Variants in ST7 observed in about 807,000 individuals in gnomAD.
The protein encoded by ST7 is suppression of tumorigenicity 7, also known as suppressor of tumorigenicity 7 protein.
Under a neutral mutation model 78.7 loss-of-function variants are expected in ST7, and 28 were observed. The ratio of observed to expected loss-of-function variants is 0.36; its 90% CI spans 0.26 to 0.49. ST7 has a LOEUF of 0.49. Among genes scored for constraint, ST7 ranks in the 20% least tolerant of loss-of-function variants. The pLI, the probability that ST7 is intolerant of heterozygous loss-of-function variation, is 0.99. For synonymous variants in ST7, 247 were observed against 249.6 expected, an observed-to-expected ratio of 0.99 and a Z score of 0.10; for missense variants, 418 against 696.0, an observed-to-expected ratio of 0.60 and a Z score of 4.49.
intron 10 of ST7, among the ~76,000 whole-genome samples, chr7:117,185,708 G>A (rs986599184): frequency 6.6e-6 from 1 of 152,208 alleles, no homozygotes; most frequent in East Asian, 1.9e-4. Flanking sequence ...GGTGGATCAC[G>A]AGGTTGGAGT....
intron 2 of ST7, among the ~76,000 whole-genome samples, chr7:117,115,135 A>C (rs1228650235): frequency 1.3e-5 from 2 of 151,964 alleles, no homozygotes; most frequent in Non-Finnish European, 2.9e-5. Context: ...CAGCCCTCTC[A>C]TTCCCAATTC....
chr7:116,961,552 C>G (rs961974255), intron 1 of ST7, among the ~76,000 whole-genome samples: 1 of 113,094 alleles, frequency 8.8e-6, no homozygotes, highest in Admixed American at 9.7e-5. Context: ...AGCTGTATTC[C>G]TACGTGTGTG....
intron 1 of ST7, among the ~76,000 whole-genome samples, chr7:116,996,285 G>A (rs1794648927): frequency 6.6e-6 from 1 of 152,094 alleles, no homozygotes; most frequent in African/African-American, 2.4e-5. Context: ...GTTTCACTGT[G>A]TTAGGATGGT....
At chr7:116,988,829 T>C (rs1794297847) in intron 1 of ST7, among the ~76,000 whole-genome samples, 1 of 152,208 alleles carries the variant, frequency 6.6e-6, no homozygotes, top group African/African-American at 2.4e-5. Context: ...AATGCACACT[T>C]TTAACATGAC....
chr7:117,221,704 A>G (rs1453324338), intron 14 of ST7, among the ~76,000 whole-genome samples: 2 of 152,080 alleles, frequency 1.3e-5, no homozygotes, highest in Admixed American at 1.3e-4. Flanking sequence ...TCCTGCCTCA[A>G]TTTAGAGTGC....
chr7:117,004,521 T>A (rs1795078124), intron 1 of ST7, among the ~76,000 whole-genome samples: 1 of 151,924 alleles, frequency 6.6e-6, no homozygotes, highest in Non-Finnish European at 1.5e-5. Flanking sequence ...ATTAGTCGGG[T>A]GTGGTGGCAG....
intron 9 of ST7, among the ~76,000 whole-genome samples, chr7:117,144,577 G>A (rs1805591235): frequency 6.7e-6 from 1 of 150,156 alleles, no homozygotes; most frequent in South Asian, 2.1e-4. Context: ...AGGCTGCAGT[G>A]AGCTGTAATC....
At chr7:117,012,306 C>T (rs1467512575) in intron 1 of ST7, among the ~76,000 whole-genome samples, 4 of 147,746 alleles carry the variant, frequency 2.7e-5, no homozygotes, top group African/African-American at 9.9e-5. Flanking sequence ...TTTTGGCTTC[C>T]GTATGATCAC....
chr7:117,042,653 T>C (rs1797286753), intron 1 of ST7, among the ~76,000 whole-genome samples: 1 of 152,166 alleles, frequency 6.6e-6, no homozygotes, highest in Non-Finnish European at 1.5e-5. Context: ...TTCACTCTTG[T>C]AGACATTTTA....
At chr7:117,136,317 A>G (rs953184058) in intron 8 of ST7, 82 bp downstream of exon 8, 7 of 1,529,484 alleles carry the variant, frequency 4.6e-6, no homozygotes, top group Admixed American at 3.4e-5. Context: ...GTCCAGTTCA[A>G]AATATGATTC....
At chr7:116,956,331 C>CT in intron 1 of ST7, 1 of 373,582 alleles carries the variant, frequency 2.7e-6, no homozygotes, top group Non-Finnish European at 5.5e-6. Context: ...GCCAGCACCC[C>CT]TGAGAGGGGA....
At chr7:117,155,949 C>T (rs1806656079) in intron 9 of ST7, among the ~76,000 whole-genome samples, 1 of 152,206 alleles carries the variant, frequency 6.6e-6, no homozygotes, top group Non-Finnish European at 1.5e-5. Flanking sequence ...GCATGCTTCT[C>T]TTCCAGACAT....
chr7:117,163,961 C>G (rs1235322467), intron 9 of ST7, among the ~76,000 whole-genome samples: 1 of 152,040 alleles, frequency 6.6e-6, no homozygotes, highest in African/African-American at 2.4e-5. Context: ...TACAGTTTTG[C>G]TGCAATCTGT....
intron 11 of ST7, 55 bp downstream of exon 11, chr7:117,189,448 T>C: frequency 7.0e-7 from 1 of 1,419,660 alleles, no homozygotes. Context: ...TGAGATGTGT[T>C]GCCTCTGAGG....
At chr7:117,069,390 G>A (rs1211063067) in intron 1 of ST7, among the ~76,000 whole-genome samples, 2 of 152,138 alleles carry the variant, frequency 1.3e-5, no homozygotes, top group Non-Finnish European at 2.9e-5. Flanking sequence ...GAATTTCAAT[G>A]GGCATACAGT....
chr7:117,014,960 T>C, intron 1 of ST7: 13 of 1,353,404 alleles, frequency 9.6e-6, no homozygotes, highest in African/African-American at 3.0e-5. Flanking sequence ...GCTGATAGAG[T>C]TGTACTTGGA....
At chr7:117,184,817 T>C (rs1261386581) in intron 10 of ST7, among the ~76,000 whole-genome samples, 2 of 152,200 alleles carry the variant, frequency 1.3e-5, no homozygotes, top group South Asian at 2.1e-4. Flanking sequence ...ACTCTAGCAA[T>C]GTCAATTTCT....
chr7:117,164,668 A>C (rs918709584), intron 9 of ST7, among the ~76,000 whole-genome samples: 1 of 152,364 alleles, frequency 6.6e-6, no homozygotes, highest in South Asian at 2.1e-4. Flanking sequence ...CACAATACAA[A>C]GATGATACAA....
rs559419340 is a variant in ST7 at position 117,114,246 on chromosome 7, G to T, written c.235-5315G>T. On this transcript the variant is annotated intron_variant, in intron 2 of 15. Coordinates refer to ENST00000323984, the MANE Select transcript of ST7 (RefSeq NM_001369598.1). The stretch of plus-strand genomic sequence containing the variant: ...CAAGAATGTAAAAAAAAAAAAGTTT[G>T]ATCTGTCATGAGGAATTAGGAAGGA... 2.0e-5 allele frequency among the ~76,000 whole-genome samples: 3 copies of T among 151,960 alleles called. No homozygotes were observed. The South Asian group carries it at 6.3e-4, about 32-fold the overall frequency.
Sources: allele counts gnomAD v4.1 joint callset (sites outside exome capture counted in the v4.1 genomes callset), GRCh38; gene constraint gnomAD v4.1.1; transcripts MANE v1.5; gene names NCBI Gene and HGNC (gene_info 2026-07-23, HGNC 2026-07-21).